NOD2: variants seen among roughly 807,000 people sequenced by gnomAD.
NOD2 encodes the protein nucleotide-binding oligomerization domain-containing protein 2.
In NOD2, 86 loss-of-function variants were observed where a neutral mutation model predicts 90.9. The ratio of observed to expected loss-of-function variants is 0.95; its 90% CI spans 0.79 to 1.13. The LOEUF is 1.13. NOD2 is among the 50% of genes most tolerant of loss of function. NOD2 has a pLI of 0.00. For missense variants in NOD2, 1,238 were observed against 1,283.8 expected (o/e 0.96, Z 0.55); for synonymous variants, 581 against 554.6 (o/e 1.05, Z -0.67).
chr16:50,716,742 A>C (rs545794193), intron 5 of NOD2, 72 bp downstream of exon 5: 8 of 1,527,788 alleles, frequency 5.2e-6, no homozygotes, highest in Non-Finnish European at 7.3e-6. Flanking sequence ...CAGCCTGGGA[A>C]GCTGTGAGTG....
At chr16:50,704,332 G>C (rs149264907) in intron 2 of NOD2, among the ~76,000 whole-genome samples, 1 of 152,066 alleles carries the variant, frequency 6.6e-6, no homozygotes, top group Non-Finnish European at 1.5e-5. Context: ...TTGCTAGACC[G>C]TATCCTCCAG....
chr16:50,719,022 A>C (rs1964923729), intron 6 of NOD2, among the ~76,000 whole-genome samples: 1 of 152,174 alleles, frequency 6.6e-6, no homozygotes. Context: ...GTGCAGTCCT[A>C]AGACATCTTG....
In NOD2 at chr16:50,722,707, T is replaced by A. The variant is rs1309535620; in HGVS notation, c.2717+2T>A. ...TCACCAGAGCTTGAGGTGGCTCAGG[T>A]AAGCTTCAGAGTCTATCCTGCAGTT... On this transcript the variant is annotated splice_donor_variant, in intron 8 of 11. Coordinates refer to ENST00000647318, the MANE Select transcript of NOD2 (RefSeq NM_001370466.1). LOFTEE classifies it high-confidence loss of function. 11 of 1,613,938 alleles carry A rather than the reference T, an allele frequency of 6.8e-6. No homozygotes were observed. In the Admixed American group the frequency reaches 8.3e-5, roughly 12 times the overall value.
chr16:50,720,516 G>A (rs1196524313), intron 7 of NOD2, among the ~76,000 whole-genome samples: 1 of 152,148 alleles, frequency 6.6e-6, no homozygotes, highest in South Asian at 2.1e-4. Flanking sequence ...TAGGTCCCTC[G>A]GAGCTCTTGC....
chr16:50,725,978 A>G (rs993358705), intron 10 of NOD2, among the ~76,000 whole-genome samples: 2 of 152,182 alleles, frequency 1.3e-5, no homozygotes, highest in African/African-American at 2.4e-5. Flanking sequence ...ATGTGCGCTC[A>G]TGGGGCACTG....
chr16:50,723,233 C>G lies in NOD2; in HGVS notation c.2718-68C>G, dbSNP rs1196012826. 2.8e-6 allele frequency: 4 copies of G among 1,443,930 alleles called. No individual in the cohort carries two copies. In the African/African-American group the frequency reaches 5.6e-5, roughly 20 times the overall value. 89.4% of individuals were successfully genotyped at this position (1,443,930 alleles called of 1,614,324 possible). A position where few individuals can be genotyped will look rare whatever the true frequency, so the allele number is the denominator to read the frequency against. On this transcript the variant is annotated intron_variant, in intron 8 of 11. Coordinates refer to ENST00000647318, the MANE Select transcript of NOD2 (RefSeq NM_001370466.1). ...AGGAGAGCACCACGAATTTTGCCCT[C>G]CATAGGTTAGCTCATCTCTGAGGTC...
chr16:50,720,340 C>A (rs1290734765), intron 7 of NOD2, among the ~76,000 whole-genome samples: 2 of 152,184 alleles, frequency 1.3e-5, no homozygotes, highest in African/African-American at 4.8e-5. Flanking sequence ...TGCCAGGCCT[C>A]CCACCCCAGA....
At chr16:50,721,006 T>C (rs867361385) in intron 7 of NOD2, among the ~76,000 whole-genome samples, 2 of 152,082 alleles carry the variant, frequency 1.3e-5, no homozygotes, top group Admixed American at 6.5e-5. Flanking sequence ...GGTTTCACCA[T>C]GTTGGCCCGG....
intron 6 of NOD2, 46 bp from the exon 7 acceptor site, chr16:50,719,879 C>A: frequency 6.4e-7 from 1 of 1,566,656 alleles, no homozygotes; most frequent in African/African-American, 1.4e-5. Flanking sequence ...CCCTCCTTTT[C>A]TGCCTGCCGC....
rs200132892 is a variant in NOD2 at position 50,729,935 on chromosome 16, C to T, written c.2969+34C>T. 1.4e-4 allele frequency: 215 copies of T among 1,522,072 alleles called. 1 individual carries two copies. Among genetic ancestry groups the T allele is most frequent in the African/African-American group, 2.3e-4 (17 of 73,072 alleles). 94.3% of individuals were successfully genotyped at this position (1,522,072 alleles called of 1,614,324 possible). On this transcript the variant is annotated intron_variant, in intron 11 of 11. Coordinates refer to ENST00000647318, the MANE Select transcript of NOD2 (RefSeq NM_001370466.1). ...CCTGGGCAGGCCTGTTTTAGCTCTC[C>T]GAACCTCAGTTTTTCTATCTGTAAA...
intron 4 of NOD2, among the ~76,000 whole-genome samples, chr16:50,714,791 A>G (rs1216414600): frequency 6.6e-6 from 1 of 152,022 alleles, no homozygotes; most frequent in Non-Finnish European, 1.5e-5. Context: ...CCCTATATAC[A>G]CAGTGCCCCT....
Position 50,716,648 on chromosome 16 carries a change from T to C in NOD2, c.2443T>C (p.Cys815Arg), listed in dbSNP as rs146313066. 2.7e-5 allele frequency: 43 copies of C among 1,614,112 alleles called. No individual in the cohort carries two copies. Among genetic ancestry groups the C allele is most frequent in the Non-Finnish European group, 3.5e-5 (41 of 1,180,030 alleles). Reference sequence around the variant, plus strand: ...CAAGCTCATTGAATGTGCTCTTCACTGCGAGCAATTGCAGAAGTTAGCGTA... The same window carrying C: ...CAAGCTCATTGAATGTGCTCTTCACCGCGAGCAATTGCAGAAGTTAGCGTA... ...ICKLIECALH[C>R]EQLQKLALFN... is the part of the protein sequence containing the mutation. The change falls in exon 5 of 12, where the codon TGC becomes CGC. Residue 815 changes from cysteine to arginine, a missense_variant. Physicochemically the swap from Cys to Arg is radical, Grantham distance 180. Coordinates refer to ENST00000647318, the MANE Select transcript of NOD2 (RefSeq NM_001370466.1).
At position 50,699,732 on chromosome 16, in the gene NOD2, T is replaced by G. The variant is rs1446596391; in HGVS notation, c.237T>G (p.Ala79=). The G allele has an allele frequency of 1.2e-6, 2 of 1,614,004 alleles. No individual in the cohort carries two copies. The highest frequency in any genetic ancestry group is 1.7e-5 in the Admixed American group (1 of 60,002). Residue 79 remains alanine (A), a synonymous_variant, in exon 2 of 12, where the codon GCT becomes GCG. Coordinates refer to ENST00000647318, the MANE Select transcript of NOD2 (RefSeq NM_001370466.1). ...GGGCCTGTCAGAAGCTCATCGCGGC[T>G]GCCCAAGAAGCCCAGGCCGACAGCC... The part of the protein sequence containing the change: ...GTWACQKLIA[A]AQEAQADSQS...
Position 50,702,615 on chromosome 16 carries a change from C to CA in NOD2, c.459+2665dup, listed in dbSNP as rs966285567. Among the ~76,000 whole-genome samples, 23 of 152,176 alleles carry CA rather than the reference C, an allele frequency of 1.5e-4. 1 individual carries two copies. Among genetic ancestry groups the CA allele is most frequent in the African/African-American group, 4.6e-4 (19 of 41,444 alleles). On this transcript the variant is annotated intron_variant, in intron 2 of 11. Transcript: ENST00000647318. ...GGACAGAAAATGCTGTGGAATGAAACAAAATGCAAGTTAAAGAACTAAATT... is the reference window on the plus strand; with the variant it reads ...GGACAGAAAATGCTGTGGAATGAAACAAAAATGCAAGTTAAAGAACTAAATT...
At chr16:50,710,428 C>A in intron 3 of NOD2, 130 bp from the exon 4 acceptor site, 1 of 1,244,106 alleles carries the variant, frequency 8.0e-7, no homozygotes, top group Non-Finnish European at 1.2e-6. Context: ...AATGGAGGAG[C>A]CAGGATGGGC....
intron 6 of NOD2, among the ~76,000 whole-genome samples, chr16:50,719,404 G>A (rs1964939652): frequency 6.6e-6 from 1 of 152,094 alleles, no homozygotes; most frequent in African/African-American, 2.4e-5. Flanking sequence ...TTCCTTGCTG[G>A]GATCTTCCCC....
chr16:50,699,692 G>A lies in NOD2; in HGVS notation c.197G>A (p.Trp66Ter), dbSNP rs773733975. 4.3e-6 allele frequency: 7 copies of A among 1,614,162 alleles called. No homozygotes were observed. In the East Asian group the frequency reaches 1.6e-4, roughly 36 times the overall value. ...HLARRLLDTV[W>*]NKGTWACQKL... ...GCCAGGCGCCTTCTGGACACCGTCT[G>A]GAATAAGGGTACTTGGGCCTGTCAG... The change falls in exon 2 of 12, where the codon TGG becomes TAG. Residue 66 changes from tryptophan to a stop codon, truncating the protein, a stop_gained. Coordinates refer to ENST00000647318, the MANE Select transcript of NOD2 (RefSeq NM_001370466.1). LOFTEE classifies it high-confidence loss of function.
intron 2 of NOD2, among the ~76,000 whole-genome samples, chr16:50,701,561 A>C (rs998807360): frequency 5.3e-5 from 8 of 152,222 alleles, no homozygotes; most frequent in African/African-American, 1.9e-4. Context: ...GACTGACCTT[A>C]GTTTCTCTTA....
chr16:50,716,528 T>C, intron 4 of NOD2, 59 bp from the exon 5 acceptor site: 1 of 1,474,058 alleles, frequency 6.8e-7, no homozygotes. Context: ...GGGGGATTTG[T>C]AGATTTTTTT....
Sources: gnomAD v4.1 joint callset for allele counts (sites outside exome capture counted in the v4.1 genomes callset) on GRCh38, gnomAD v4.1.1 for gene constraint, MANE v1.5 for transcripts, NCBI Gene and HGNC (gene_info 2026-07-23, HGNC 2026-07-21) for gene names.